The following PEBP4 variants were observed in gnomAD, a reference collection of about 807,000 sequenced individuals.
PEBP4 encodes phosphatidylethanolamine-binding protein 4.
In PEBP4, 22 loss-of-function variants were observed where a neutral mutation model predicts 23.9. The observed-to-expected ratio is 0.92, with a 90% CI of 0.66 to 1.31. The LOEUF is 1.31. Among genes scored for constraint, PEBP4 ranks in the 40% most tolerant of loss-of-function variants. The probability of loss-of-function intolerance (pLI) is 0.00; values close to 1 mark genes in which losing one functional copy is unlikely to be tolerated. For synonymous variants in PEBP4, 112 were observed against 99.3 expected (o/e 1.13, Z -0.76); for missense variants, 324 against 281.7 (o/e 1.15, Z -1.07).
At chr8:22,848,200 G>C (rs750469312) in intron 3 of PEBP4, among the ~76,000 whole-genome samples, 1 of 152,074 alleles carries the variant, frequency 6.6e-6, no homozygotes, top group African/African-American at 2.4e-5. Context: ...AATAGACAAC[G>C]AGTTAACAGA....
At chr8:22,854,882 A>G (rs568353527) in intron 3 of PEBP4, among the ~76,000 whole-genome samples, 1 of 151,786 alleles carries the variant, frequency 6.6e-6, no homozygotes, top group East Asian at 2.0e-4. Flanking sequence ...TTCCAGAGAC[A>G]GTTTCTCCCA....
intron 6 of PEBP4, among the ~76,000 whole-genome samples, chr8:22,714,228 A>G (rs1804367581): frequency 6.6e-6 from 1 of 152,156 alleles, no homozygotes; most frequent in South Asian, 2.1e-4. Context: ...AGGGAGGCGC[A>G]TCTTCTGGGG....
intron 4 of PEBP4, chr8:22,798,663 A>G (rs939361165): frequency 2.0e-5 from 3 of 149,110 alleles, no homozygotes; most frequent in African/African-American, 7.5e-5. Context: ...ACTTTCTTCA[A>G]TGGCATTGAT....
At chr8:22,891,239 G>GATGAATGAATGAATGA (rs112416849) in intron 3 of PEBP4, among the ~76,000 whole-genome samples, 1 of 151,728 alleles carries the variant, frequency 6.6e-6, no homozygotes, top group Non-Finnish European at 1.5e-5. Flanking sequence ...GCACTTGCCA[G>GATGAATGAATGAATGA]ATGAATGAAT....
chr8:22,806,006 C>T (rs1208759006), intron 4 of PEBP4, among the ~76,000 whole-genome samples: 2 of 152,084 alleles, frequency 1.3e-5, no homozygotes, highest in Admixed American at 6.5e-5. Context: ...TTAACTGTCT[C>T]AACTCCCACA....
intron 4 of PEBP4, among the ~76,000 whole-genome samples, chr8:22,783,316 A>G (rs1207430459): frequency 6.6e-6 from 1 of 152,214 alleles, no homozygotes; most frequent in Non-Finnish European, 1.5e-5. Flanking sequence ...TGGCTGTCTA[A>G]TGTGGATGGC....
chr8:22,782,730 T>C (rs1563214587), intron 4 of PEBP4, among the ~76,000 whole-genome samples: 1 of 152,236 alleles, frequency 6.6e-6, no homozygotes, highest in Non-Finnish European at 1.5e-5. Flanking sequence ...TTTCATCTGA[T>C]TGGCATCTCT....
At chr8:22,857,468 T>C (rs1807678250) in intron 3 of PEBP4, among the ~76,000 whole-genome samples, 1 of 152,158 alleles carries the variant, frequency 6.6e-6, no homozygotes. Context: ...CAGTGCACAG[T>C]ATATTCTGGC....
chr8:22,810,699 TG>T (rs1806603434), intron 4 of PEBP4, among the ~76,000 whole-genome samples: 2 of 145,812 alleles, frequency 1.4e-5, no homozygotes, highest in Admixed American at 1.3e-4. Flanking sequence ...TGTGTGTGTG[TG>T]TGTGTGTGTG....
Position 22,724,905 on chromosome 8 carries a change from A to C in PEBP4, c.455T>G (p.Phe152Cys). The C allele has an allele frequency of 6.2e-7, 1 of 1,614,192 alleles. No homozygotes were observed. Among genetic ancestry groups the C allele is most frequent in the East Asian group, 2.2e-5 (1 of 44,884 alleles). Residue 152 changes from phenylalanine (F) to cysteine (C), a missense_variant, in exon 6 of 7, where the codon TTC becomes TGC. Phe to Cys is a radical substitution (Grantham distance 205, BLOSUM62 -2). Transcript: ENST00000256404. ...TTTTCCTTCCTGAAGATAGACAAAG[A>C]ACTGGTAGCGATGGAAGCCACTGTG... ...PAHSGFHRYQ[F>C]FVYLQEGKVI...
At chr8:22,764,553 A>G (rs1805572228) in intron 4 of PEBP4, among the ~76,000 whole-genome samples, 1 of 152,050 alleles carries the variant, frequency 6.6e-6, no homozygotes, top group African/African-American at 2.4e-5. Context: ...GCCTTTATGT[A>G]TATATATATT....
At chr8:22,922,585 CA>C (rs397961257) in intron 2 of PEBP4, among the ~76,000 whole-genome samples, 7 of 122,370 alleles carry the variant, frequency 5.7e-5, no homozygotes, top group African/African-American at 8.3e-5. Context: ...AACAAACAAA[CA>C]AAAAAAAAAC....
At chr8:22,764,969 C>G (rs1412544494) in intron 4 of PEBP4, among the ~76,000 whole-genome samples, 1 of 152,000 alleles carries the variant, frequency 6.6e-6, no homozygotes, top group Non-Finnish European at 1.5e-5. Flanking sequence ...TTCCCCTGTC[C>G]CAGGCAGGGC....
chr8:22,735,928 A>G (rs59691330), intron 4 of PEBP4, among the ~76,000 whole-genome samples: 1,682 of 152,390 alleles, frequency 0.011, 36 homozygotes, highest in African/African-American at 0.039. Context: ...GAAAAGCACT[A>G]GAAAGAAAAA....
chr8:22,718,647 C>A (rs932067696), intron 6 of PEBP4, among the ~76,000 whole-genome samples: 1 of 152,132 alleles, frequency 6.6e-6, no homozygotes, highest in African/African-American at 2.4e-5. Context: ...GGAGGAAGAG[C>A]GCCTCCTGCC....
intron 5 of PEBP4, among the ~76,000 whole-genome samples, chr8:22,726,028 T>TGTGTGTGTGC (rs1388250813): frequency 1.0e-4 from 15 of 150,596 alleles, no homozygotes; most frequent in Non-Finnish European, 2.1e-4. Context: ...TGTGTGTGTG[T>TGTGTGTGTGC]GTGCACGCGC....
intron 1 of PEBP4, among the ~76,000 whole-genome samples, chr8:22,940,679 C>T (rs557391050): frequency 6.6e-5 from 10 of 151,990 alleles, no homozygotes; most frequent in Non-Finnish European, 1.0e-4. Flanking sequence ...TCAGTAGAGA[C>T]GGGGTTTCAC....
At chr8:22,901,671 G>A (rs1348188044) in intron 3 of PEBP4, among the ~76,000 whole-genome samples, 1 of 152,166 alleles carries the variant, frequency 6.6e-6, no homozygotes, top group African/African-American at 2.4e-5. Context: ...CCCGGGCTGG[G>A]GGATTTGCAG....
chr8:22,847,635 C>A (rs1807464653), intron 3 of PEBP4, among the ~76,000 whole-genome samples: 2 of 152,138 alleles, frequency 1.3e-5, no homozygotes, highest in Admixed American at 1.3e-4. Context: ...AAGAGAGAGT[C>A]ACCAGGCAGC....
Sources: gnomAD v4.1 joint callset for allele counts (sites outside exome capture counted in the v4.1 genomes callset) on GRCh38, gnomAD v4.1.1 for gene constraint, MANE v1.5 for transcripts, NCBI Gene and HGNC (gene_info 2026-07-23, HGNC 2026-07-21) for gene names.